Variants in GNAQ observed in about 807,000 individuals in gnomAD.
GNAQ encodes the protein G protein subunit alpha q.
A neutral mutation model predicts 43.9 loss-of-function variants in GNAQ; 8 were observed. The ratio of observed to expected loss-of-function variants is 0.18; its 90% CI spans 0.11 to 0.33. GNAQ has a LOEUF of 0.33. Among genes scored for constraint, GNAQ ranks in the 10% least tolerant of loss-of-function variants. The probability of loss-of-function intolerance (pLI) is 1.00; values close to 1 mark genes in which losing one functional copy is unlikely to be tolerated. For synonymous variants in GNAQ, 155 were observed against 170.7 expected, an observed-to-expected ratio of 0.91 and a Z score of 0.71; for missense variants, 158 against 450.8, an observed-to-expected ratio of 0.35 and a Z score of 5.88.
At chr9:78,017,997 G>A (rs1823860047) in intron 1 of GNAQ, among the ~76,000 whole-genome samples, 2 of 152,030 alleles carry the variant, frequency 1.3e-5, no homozygotes, top group Non-Finnish European at 2.9e-5. Context: ...TTCAGAATAT[G>A]TTTTGGGTGT....
chr9:77,854,937 C>T (rs1827728619), intron 2 of GNAQ, among the ~76,000 whole-genome samples: 1 of 152,094 alleles, frequency 6.6e-6, no homozygotes, highest in South Asian at 2.1e-4. Context: ...GAACAAATAA[C>T]CAGTCTTTCT....
At chr9:77,972,067 G>A (rs1327802736) in intron 1 of GNAQ, among the ~76,000 whole-genome samples, 2 of 151,870 alleles carry the variant, frequency 1.3e-5, no homozygotes, top group Admixed American at 6.6e-5. Context: ...AGATGATGGG[G>A]TTTTCTAAAT....
At chr9:78,022,613 T>C (rs2118608545) in intron 1 of GNAQ, among the ~76,000 whole-genome samples, 1 of 152,334 alleles carries the variant, frequency 6.6e-6, no homozygotes, top group African/African-American at 2.4e-5. Context: ...CAAAAATATA[T>C]CACAAGAGTT....
chr9:77,948,623 G>A (rs1354658263), intron 1 of GNAQ, among the ~76,000 whole-genome samples: 4 of 152,240 alleles, frequency 2.6e-5, no homozygotes, highest in East Asian at 1.9e-4. Flanking sequence ...CAGAAAGAAC[G>A]ACCGCTACTG....
At chr9:78,018,493 G>A (rs2118597803) in intron 1 of GNAQ, among the ~76,000 whole-genome samples, 1 of 152,176 alleles carries the variant, frequency 6.6e-6, no homozygotes, top group East Asian at 1.9e-4. Flanking sequence ...CTGAAAAACA[G>A]GCTATAAAAA....
At chr9:77,994,317 A>T (rs1262371457) in intron 1 of GNAQ, among the ~76,000 whole-genome samples, 5 of 152,204 alleles carry the variant, frequency 3.3e-5, no homozygotes, top group Admixed American at 3.3e-4. Flanking sequence ...TGGGATAACA[A>T]GCGTGAGCCA....
At chr9:77,746,612 C>T (rs557938493) in intron 5 of GNAQ, among the ~76,000 whole-genome samples, 1 of 151,428 alleles carries the variant, frequency 6.6e-6, no homozygotes, top group African/African-American at 2.4e-5. Flanking sequence ...AAAAGTTGAC[C>T]AAAAAAATAA....
chr9:78,023,212 C>A (rs764989977), intron 1 of GNAQ, among the ~76,000 whole-genome samples: 4 of 152,178 alleles, frequency 2.6e-5, no homozygotes, highest in East Asian at 1.9e-4. Flanking sequence ...TTTTGCTTTA[C>A]GGACCAGAGT....
chr9:77,941,439 C>T (rs988082227), intron 1 of GNAQ, among the ~76,000 whole-genome samples: 34 of 152,080 alleles, frequency 2.2e-4, no homozygotes, highest in Middle Eastern at 3.4e-3. Flanking sequence ...TTAGTAGAGA[C>T]GGGGTTTCAC....
At chr9:77,998,087 C>T (rs752902065) in intron 1 of GNAQ, among the ~76,000 whole-genome samples, 4 of 152,188 alleles carry the variant, frequency 2.6e-5, no homozygotes, top group East Asian at 1.9e-4. Flanking sequence ...TGTACACACA[C>T]GCTGGCGAGG....
chr9:77,779,974 T>C (rs1826367792), intron 5 of GNAQ, among the ~76,000 whole-genome samples: 1 of 151,888 alleles, frequency 6.6e-6, no homozygotes, highest in Admixed American at 6.6e-5. Flanking sequence ...TGGTGATCTC[T>C]TTTTTTCTAT....
chr9:78,004,957 G>A (rs969620053), intron 1 of GNAQ, among the ~76,000 whole-genome samples: 3 of 152,054 alleles, frequency 2.0e-5, no homozygotes, highest in African/African-American at 4.8e-5. Context: ...AAGAGGGGGT[G>A]GGATCAGATA....
intron 2 of GNAQ, among the ~76,000 whole-genome samples, chr9:77,893,187 C>G (rs1051007822): frequency 1.3e-5 from 2 of 152,102 alleles, no homozygotes; most frequent in African/African-American, 4.8e-5. Context: ...CAGGATGAGA[C>G]AGTAGGTCAG....
chr9:77,962,307 A>G (rs2118425128), intron 1 of GNAQ, among the ~76,000 whole-genome samples: 1 of 152,236 alleles, frequency 6.6e-6, no homozygotes, highest in African/African-American at 2.4e-5. Context: ...AAACTATAAC[A>G]CTATTGATCT....
In GNAQ at chr9:77,718,980, G is replaced by C. The variant is rs1825268193; in HGVS notation, c.*2343C>G. On this transcript the variant is annotated 3_prime_UTR_variant, in exon 7 of 7. Coordinates refer to ENST00000286548, the MANE Select transcript of GNAQ (RefSeq NM_002072.5). ...TTCTACAAAGTTGGTTTCCATGTTTGTATAAAAGCTCCGACTGATTTTATG... is the reference window on the plus strand; with the variant it reads ...TTCTACAAAGTTGGTTTCCATGTTTCTATAAAAGCTCCGACTGATTTTATG... 4.3e-6 allele frequency: 1 copy of C among 231,916 alleles called. No homozygotes were observed. Among genetic ancestry groups the C allele is most frequent in the Non-Finnish European group, 8.5e-6 (1 of 117,422 alleles). The allele number at this position is 231,916 out of a possible 1,614,324, so 14.4% of individuals were successfully genotyped here. A position where few individuals can be genotyped will look rare whatever the true frequency, so the allele number is the denominator to read the frequency against.
chr9:77,735,603 C>G (rs1825565172), intron 5 of GNAQ, among the ~76,000 whole-genome samples: 1 of 152,192 alleles, frequency 6.6e-6, no homozygotes, highest in African/African-American at 2.4e-5. Context: ...CCAGCAGGAT[C>G]ACATTGTTAT....
At chr9:77,737,268 T>A (rs1825588898) in intron 5 of GNAQ, among the ~76,000 whole-genome samples, 1 of 152,238 alleles carries the variant, frequency 6.6e-6, no homozygotes. Context: ...CCAAAGCAAC[T>A]GCCACCACTG....
chr9:77,767,615 C>T (rs1038487553), intron 5 of GNAQ, among the ~76,000 whole-genome samples: 10 of 152,224 alleles, frequency 6.6e-5, no homozygotes, highest in Admixed American at 4.6e-4. Context: ...CTACAAGAAG[C>T]TCCTAGTGCA....
chr9:77,850,475 C>T (rs536892581), intron 2 of GNAQ, among the ~76,000 whole-genome samples: 5 of 152,244 alleles, frequency 3.3e-5, no homozygotes, highest in South Asian at 2.1e-4. Flanking sequence ...TCTGCATCCA[C>T]GAAGATCTTT....
Sources: gnomAD v4.1 joint callset for allele counts (sites outside exome capture counted in the v4.1 genomes callset) on GRCh38, gnomAD v4.1.1 for gene constraint, MANE v1.5 for transcripts, NCBI Gene and HGNC (gene_info 2026-07-23, HGNC 2026-07-21) for gene names.